Variants in NAV3 observed in about 807,000 individuals in gnomAD.
The protein encoded by NAV3 is pore membrane and/or filament interacting like protein 1.
NAV3 carries 87 observed loss-of-function variants against 244.7 expected under a neutral mutation model. The observed-to-expected ratio is 0.36, with a 90% CI of 0.30 to 0.42. The LOEUF is 0.42. Among genes scored for constraint, NAV3 ranks in the 20% least tolerant of loss-of-function variants. The pLI is 1.00. For missense variants in NAV3, 2,663 were observed against 2,893.3 expected (o/e 0.92, Z 1.83); for synonymous variants, 1,126 against 1,042.2 (o/e 1.08, Z -1.55).
At chr12:78,094,477 G>A (rs1286811248) in intron 12 of NAV3, among the ~76,000 whole-genome samples, 1 of 152,146 alleles carries the variant, frequency 6.6e-6, no homozygotes, top group Non-Finnish European at 1.5e-5. Flanking sequence ...TTTGTAAAAT[G>A]CAAGAAATTA....
chr12:78,116,695 A>G (rs2138510447), intron 12 of NAV3, 77 bp from the exon 13 acceptor site: 1 of 1,337,514 alleles, frequency 7.5e-7, no homozygotes, highest in South Asian at 2.0e-5. Flanking sequence ...TAAATTGTGA[A>G]TGTTGCATGG....
intron 3 of NAV3, among the ~76,000 whole-genome samples, chr12:77,959,081 A>G (rs1391548025): frequency 6.6e-6 from 1 of 152,182 alleles, no homozygotes; most frequent in Admixed American, 6.5e-5. Flanking sequence ...GAACAGTGCA[A>G]TTCCAGCAAC....
chr12:78,013,674 G>T (rs772752280), intron 8 of NAV3, among the ~76,000 whole-genome samples: 4 of 152,084 alleles, frequency 2.6e-5, no homozygotes, highest in Non-Finnish European at 4.4e-5. Context: ...GAGCATGTGT[G>T]TGGAAAGCAT....
chr12:77,902,446 G>A (rs1358935084), intron 1 of NAV3, among the ~76,000 whole-genome samples: 1 of 152,148 alleles, frequency 6.6e-6, no homozygotes, highest in East Asian at 1.9e-4. Flanking sequence ...GTTGAATTTT[G>A]TCAAAGGCCT....
intron 12 of NAV3, among the ~76,000 whole-genome samples, chr12:78,069,684 CA>C (rs1434537408): frequency 2.0e-5 from 3 of 151,908 alleles, no homozygotes; most frequent in Non-Finnish European, 4.4e-5. Context: ...ATATGCAGAA[CA>C]ATTAGCAGAA....
chr12:78,113,518 T>G (rs1030148232), intron 12 of NAV3, among the ~76,000 whole-genome samples: 1 of 152,208 alleles, frequency 6.6e-6, no homozygotes, highest in African/African-American at 2.4e-5. Context: ...CTGGCAAAGC[T>G]TGGGGCTTTC....
intron 1 of NAV3, among the ~76,000 whole-genome samples, chr12:77,875,632 T>C (rs1881739189): frequency 6.6e-6 from 1 of 151,260 alleles, no homozygotes; most frequent in African/African-American, 2.4e-5. Context: ...CAATTATAAT[T>C]TGATTATCTA....
intron 2 of NAV3, among the ~76,000 whole-genome samples, chr12:77,759,348 A>G (rs1466471472): frequency 6.6e-6 from 1 of 152,238 alleles, no homozygotes; most frequent in Non-Finnish European, 1.5e-5. Context: ...GTACAGAAGT[A>G]TTACAAAGCT....
intron 12 of NAV3, among the ~76,000 whole-genome samples, chr12:78,090,879 A>C (rs1421537789): frequency 6.6e-6 from 1 of 151,592 alleles, no homozygotes; most frequent in African/African-American, 2.4e-5. Flanking sequence ...TTCACTTTCA[A>C]ACTCTTAACA....
chr12:78,009,560 A>G (rs899062809), intron 8 of NAV3, among the ~76,000 whole-genome samples: 5 of 151,874 alleles, frequency 3.3e-5, no homozygotes, highest in Non-Finnish European at 5.9e-5. Context: ...GGGAATCTCA[A>G]TGCCACCACT....
intron 9 of NAV3, among the ~76,000 whole-genome samples, chr12:78,023,368 A>G (rs139198784): frequency 1.3e-3 from 205 of 152,286 alleles, no homozygotes; most frequent in African/African-American, 4.7e-3. Context: ...TCCTTTTAAC[A>G]TTCTGATTTT....
intron 12 of NAV3, among the ~76,000 whole-genome samples, chr12:78,077,467 C>A (rs1953108428): frequency 6.6e-6 from 1 of 152,178 alleles, no homozygotes; most frequent in African/African-American, 2.4e-5. Flanking sequence ...ATGTAAAAGA[C>A]ATTCTTAAAT....
Position 78,006,749 on chromosome 12 carries a change from G to T in NAV3, c.1211G>T (p.Ser404Ile), listed in dbSNP as rs758592180. The T allele has an allele frequency of 3.1e-6, 5 of 1,614,152 alleles. No individual in the cohort carries two copies. The highest frequency in any genetic ancestry group is 3.4e-6 in the Non-Finnish European group (4 of 1,180,032). ...GCTTTACGCCCCCCGCAGCCTCCCA[G>T]TTCAGGACCTAGTGATGGTGGGAAG... ...RTALRPPQPP[S>I]SGPSDGGKDD... The change falls in exon 8 of 40, where the codon AGT (serine) becomes ATT (isoleucine). Residue 404 changes from serine (S) to isoleucine (I), a missense_variant. By Grantham distance (142) the Ser-to-Ile change is moderately radical. Transcript: ENST00000397909.
chr12:78,200,637 G>T, intron 38 of NAV3, 46 bp downstream of exon 38: 1 of 1,067,804 alleles, frequency 9.4e-7, no homozygotes. Flanking sequence ...AAAAAAAAAA[G>T]CAAAAAAAAT....
intron 11 of NAV3, among the ~76,000 whole-genome samples, chr12:78,053,170 A>C (rs1332709626): frequency 6.6e-6 from 1 of 151,472 alleles, no homozygotes. Context: ...CTGAGATTGC[A>C]CCACTGCACC....
chr12:77,730,719 A>G (rs565706406), intron 2 of NAV3, among the ~76,000 whole-genome samples: 1 of 151,834 alleles, frequency 6.6e-6, no homozygotes, highest in African/African-American at 2.4e-5. Context: ...CTGAATTACT[A>G]AGTTTCCAGA....
intron 23 of NAV3, among the ~76,000 whole-genome samples, chr12:78,168,244 G>A (rs1356603038): frequency 6.6e-6 from 1 of 151,706 alleles, no homozygotes; most frequent in Admixed American, 6.6e-5. Context: ...GGAATTAGGG[G>A]TAAGTTCCAG....
chr12:78,205,398 G>A (rs1960190569), intron 39 of NAV3, among the ~76,000 whole-genome samples: 1 of 151,892 alleles, frequency 6.6e-6, no homozygotes, highest in Non-Finnish European at 1.5e-5. Flanking sequence ...GCATTAAATT[G>A]TGTATATAAT....
At chr12:77,970,133 A>G (rs1892875579) in intron 5 of NAV3, among the ~76,000 whole-genome samples, 1 of 152,174 alleles carries the variant, frequency 6.6e-6, no homozygotes, top group South Asian at 2.1e-4. Context: ...CTATTACATA[A>G]ATAGTTATGA....
Sources: gnomAD v4.1 joint callset for allele counts (sites outside exome capture counted in the v4.1 genomes callset) on GRCh38, gnomAD v4.1.1 for gene constraint, MANE v1.5 for transcripts, NCBI Gene and HGNC (gene_info 2026-07-23, HGNC 2026-07-21) for gene names.